The following NDUFAF2 variants were observed in gnomAD, a reference collection of about 807,000 sequenced individuals.
The protein encoded by NDUFAF2 is NADH dehydrogenase [ubiquinone] 1 alpha subcomplex assembly factor 2.
Under a neutral mutation model 22.8 loss-of-function variants are expected in NDUFAF2, and 13 were observed. The ratio of observed to expected loss-of-function variants is 0.57; its 90% CI spans 0.37 to 0.91. The LOEUF is 0.91. NDUFAF2 is among the 40% of genes least tolerant of loss of function. The pLI, the probability that NDUFAF2 is intolerant of heterozygous loss-of-function variation, is 0.01. For synonymous variants in NDUFAF2, 53 were observed against 64.2 expected, an observed-to-expected ratio of 0.83 and a Z score of 0.84; for missense variants, 162 against 195.2, an observed-to-expected ratio of 0.83 and a Z score of 1.01.
At chr5:61,115,954 C>T (rs1224600935) in intron 3 of NDUFAF2, 1 of 152,072 alleles carries the variant, frequency 6.6e-6, no homozygotes, top group African/African-American at 2.4e-5. Context: ...GAAAATAGTC[C>T]AGACTATGTA....
chr5:61,006,802 A>T (rs1396370104), intron 1 of NDUFAF2, among the ~76,000 whole-genome samples: 1 of 152,074 alleles, frequency 6.6e-6, no homozygotes, highest in Non-Finnish European at 1.5e-5. Context: ...TAGTTAGTTA[A>T]TATTGTAATG....
chr5:61,006,475 A>G lies in NDUFAF2; in HGVS notation c.127+61093A>G, dbSNP rs985403887. Among the ~76,000 whole-genome samples the G allele has an allele frequency of 7.9e-5, 12 of 152,142 alleles. No homozygotes were observed. The South Asian group carries it at 1.0e-3, about 13-fold the overall frequency. ...TTAAAGTAGTTTTTTCCAATTCTGT[A>G]AAGAAAGTCATTGGTAGCTTGATGG... On this transcript the variant is annotated intron_variant, in intron 1 of 3. Coordinates refer to ENST00000296597, the MANE Select transcript of NDUFAF2 (RefSeq NM_174889.5).
At chr5:61,079,336 T>C (rs1417565624) in intron 2 of NDUFAF2, among the ~76,000 whole-genome samples, 1 of 152,234 alleles carries the variant, frequency 6.6e-6, no homozygotes, top group Non-Finnish European at 1.5e-5. Context: ...AGGATGTTGC[T>C]ATCCCTGTTC....
At chr5:60,947,494 G>A (rs775918031) in intron 1 of NDUFAF2, among the ~76,000 whole-genome samples, 32 of 151,898 alleles carry the variant, frequency 2.1e-4, no homozygotes, top group Non-Finnish European at 2.9e-4. Context: ...GGCTGGGTCC[G>A]GTGGCTCATG....
intron 1 of NDUFAF2, among the ~76,000 whole-genome samples, chr5:61,023,651 C>T (rs1237302872): frequency 6.6e-6 from 1 of 152,034 alleles, no homozygotes; most frequent in Non-Finnish European, 1.5e-5. Flanking sequence ...AATTTAAAAC[C>T]CTCACATATA....
At chr5:61,049,100 T>A (rs1479058678) in intron 1 of NDUFAF2, among the ~76,000 whole-genome samples, 1 of 152,158 alleles carries the variant, frequency 6.6e-6, no homozygotes, top group Non-Finnish European at 1.5e-5. Flanking sequence ...AATTTTAGTT[T>A]GGCAATTTTA....
At chr5:60,966,204 T>C (rs1750756539) in intron 1 of NDUFAF2, among the ~76,000 whole-genome samples, 1 of 152,178 alleles carries the variant, frequency 6.6e-6, no homozygotes, top group Non-Finnish European at 1.5e-5. Flanking sequence ...TTTTGCCCAA[T>C]TATGAATCAG....
intron 1 of NDUFAF2, among the ~76,000 whole-genome samples, chr5:60,977,170 A>G (rs1164300549): frequency 6.6e-6 from 1 of 151,878 alleles, no homozygotes; most frequent in Non-Finnish European, 1.5e-5. Context: ...GCTCACAGCT[A>G]TAATCCCAAC....
intron 2 of NDUFAF2, among the ~76,000 whole-genome samples, chr5:61,080,778 C>T (rs1177401731): frequency 6.6e-6 from 1 of 152,090 alleles, no homozygotes; most frequent in African/African-American, 2.4e-5. Context: ...ATATTTTTCA[C>T]AGTCTATGGC....
chr5:61,113,644 A>C (rs1019442008), intron 3 of NDUFAF2, among the ~76,000 whole-genome samples: 1 of 152,140 alleles, frequency 6.6e-6, no homozygotes, highest in African/African-American at 2.4e-5. Context: ...TCTTCCTGCC[A>C]TCATGTGAAG....
At chr5:61,025,033 A>G (rs576372407) in intron 1 of NDUFAF2, among the ~76,000 whole-genome samples, 2 of 152,170 alleles carry the variant, frequency 1.3e-5, no homozygotes, top group South Asian at 2.1e-4. Flanking sequence ...GAAAGCTTCT[A>G]TAACTGCTTA....
intron 1 of NDUFAF2, among the ~76,000 whole-genome samples, chr5:60,960,326 C>T (rs1014565962): frequency 5.9e-5 from 9 of 152,080 alleles, no homozygotes; most frequent in African/African-American, 2.2e-4. Context: ...TTTGTTGTGA[C>T]TCGCTGTATT....
intron 1 of NDUFAF2, among the ~76,000 whole-genome samples, chr5:60,989,697 C>T (rs961797198): frequency 3.9e-5 from 6 of 152,074 alleles, no homozygotes; most frequent in Non-Finnish European, 8.8e-5. Flanking sequence ...AGCTAAGTAA[C>T]AACGCACGTG....
At chr5:61,035,172 T>C (rs1561547068) in intron 1 of NDUFAF2, among the ~76,000 whole-genome samples, 2 of 151,684 alleles carry the variant, frequency 1.3e-5, no homozygotes, top group Non-Finnish European at 2.9e-5. Context: ...GCTCAAGCGA[T>C]TCTTTCACCT....
chr5:60,992,124 C>T (rs1751166530), intron 1 of NDUFAF2, among the ~76,000 whole-genome samples: 1 of 152,026 alleles, frequency 6.6e-6, no homozygotes, highest in African/African-American at 2.4e-5. Flanking sequence ...AAATCTTTGC[C>T]CATTTTTTGA....
chr5:60,970,923 A>T (rs1750818612), intron 1 of NDUFAF2, among the ~76,000 whole-genome samples: 1 of 152,086 alleles, frequency 6.6e-6, no homozygotes, highest in African/African-American at 2.4e-5. Context: ...TTTGTCTCAT[A>T]TTAAGGAGGA....
intron 1 of NDUFAF2, among the ~76,000 whole-genome samples, chr5:61,060,613 G>A (rs890908226): frequency 6.6e-6 from 1 of 151,998 alleles, no homozygotes; most frequent in African/African-American, 2.4e-5. Flanking sequence ...CCAGGAGCTC[G>A]TGTCAGGTTT....
At chr5:61,131,645 T>A (rs978240566) in intron 3 of NDUFAF2, among the ~76,000 whole-genome samples, 7 of 152,110 alleles carry the variant, frequency 4.6e-5, no homozygotes, top group Admixed American at 1.3e-4. Context: ...TATGCAGCCA[T>A]TATGAAGGAT....
Position 61,142,317 on chromosome 5 carries a change from A to T in NDUFAF2, c.259-10387A>T, listed in dbSNP as rs142560959. Among the ~76,000 whole-genome samples the T allele has an allele frequency of 5.5e-3, 831 of 152,338 alleles. 1 individual carries two copies. The highest frequency in any genetic ancestry group is 7.2e-3 in the Non-Finnish European group (488 of 68,036). On this transcript the variant is annotated intron_variant, in intron 3 of 3. Coordinates refer to ENST00000296597, the MANE Select transcript of NDUFAF2 (RefSeq NM_174889.5). ...TGTTAATGACTTGAGCTCTGTGATTAGTTCATTTTAGTGACATTTTGAGAT... is the reference window on the plus strand; with the variant it reads ...TGTTAATGACTTGAGCTCTGTGATTTGTTCATTTTAGTGACATTTTGAGAT...
Sources: allele counts gnomAD v4.1 joint callset (sites outside exome capture counted in the v4.1 genomes callset), GRCh38; gene constraint gnomAD v4.1.1; transcripts MANE v1.5; gene names NCBI Gene and HGNC (gene_info 2026-07-23, HGNC 2026-07-21).